Variants in STAG1 observed in about 807,000 individuals in gnomAD.
STAG1 encodes the protein STAG1 cohesin complex component.
A neutral mutation model predicts 170.9 loss-of-function variants in STAG1; 26 were observed. The observed-to-expected ratio is 0.15, with a 90% CI of 0.11 to 0.21. The LOEUF is 0.21. STAG1 is among the 10% of genes least tolerant of loss of function. STAG1 has a pLI of 1.00. For synonymous variants in STAG1, 514 were observed against 497.7 expected (o/e 1.03, Z -0.44); for missense variants, 964 against 1,509.5 (o/e 0.64, Z 5.99).
intron 1 of STAG1, among the ~76,000 whole-genome samples, chr3:136,742,096 T>C (rs1385427789): frequency 2.0e-5 from 3 of 152,202 alleles, no homozygotes; most frequent in South Asian, 2.1e-4. Flanking sequence ...TCCACAGTCA[T>C]AGTTGGATAT....
intron 7 of STAG1, among the ~76,000 whole-genome samples, chr3:136,512,218 G>A (rs1934104817): frequency 6.6e-6 from 1 of 151,738 alleles, no homozygotes; most frequent in Non-Finnish European, 1.5e-5. Flanking sequence ...AGGCAGGAGG[G>A]TCAATTTAGC....
At chr3:136,611,093 T>C (rs1939251945) in intron 3 of STAG1, among the ~76,000 whole-genome samples, 1 of 152,190 alleles carries the variant, frequency 6.6e-6, no homozygotes, top group South Asian at 2.1e-4. Context: ...AGTCTAAACA[T>C]GAAACTCGTT....
chr3:136,678,625 A>T (rs1942218872), intron 1 of STAG1, among the ~76,000 whole-genome samples: 1 of 151,888 alleles, frequency 6.6e-6, no homozygotes, highest in Non-Finnish European at 1.5e-5. Context: ...AAGTTTTTGT[A>T]TCTAGGGAAA....
intron 1 of STAG1, among the ~76,000 whole-genome samples, chr3:136,706,485 A>T (rs1295091125): frequency 1.3e-5 from 2 of 152,244 alleles, no homozygotes; most frequent in Non-Finnish European, 2.9e-5. Context: ...ACATCCAAAA[A>T]TTAAAATATC....
chr3:136,708,113 T>G (rs1416878484), intron 1 of STAG1, among the ~76,000 whole-genome samples: 1 of 152,050 alleles, frequency 6.6e-6, no homozygotes, highest in Non-Finnish European at 1.5e-5. Flanking sequence ...ATAAACAGAA[T>G]TACCACATGA....
At position 136,390,692 on chromosome 3, in the gene STAG1, G is replaced by A. The variant is rs186500203; in HGVS notation, c.2277+8057C>T. On this transcript the variant is annotated intron_variant, in intron 22 of 33. Transcript: ENST00000383202. ...TACAAGGATCACTATTATTTCTCACGCCTGGCCCCACTCCCTTCCTCTCAA... is the reference window on the plus strand; with the variant it reads ...TACAAGGATCACTATTATTTCTCACACCTGGCCCCACTCCCTTCCTCTCAA... Among the ~76,000 whole-genome samples the A allele has an allele frequency of 4.1e-3, 618 of 152,282 alleles. 3 individuals are homozygous for A. The highest frequency in any genetic ancestry group is 7.7e-3 in the Admixed American group (118 of 15,296).
At chr3:136,658,901 T>TAC (rs550019300) in intron 1 of STAG1, among the ~76,000 whole-genome samples, 150 of 152,286 alleles carry the variant, frequency 9.8e-4, no homozygotes, top group African/African-American at 3.2e-3. Context: ...AAATCCACAG[T>TAC]ACACACCACA....
chr3:136,454,801 T>C (rs1042365548), intron 13 of STAG1, among the ~76,000 whole-genome samples: 3 of 152,248 alleles, frequency 2.0e-5, no homozygotes, highest in African/African-American at 7.2e-5. Flanking sequence ...TTCAGACAGA[T>C]CTTACTACTT....
intron 9 of STAG1, 123 bp from the exon 10 acceptor site, chr3:136,477,535 C>T: frequency 1.2e-6 from 1 of 806,916 alleles, no homozygotes; most frequent in Non-Finnish European, 1.8e-6. Flanking sequence ...TCTGAATGGC[C>T]TCCAACTTAA....
At chr3:136,523,849 G>A (rs1019859304) in intron 6 of STAG1, among the ~76,000 whole-genome samples, 15 of 152,076 alleles carry the variant, frequency 9.9e-5, no homozygotes, top group Non-Finnish European at 2.2e-4. Context: ...CATTAAATAG[G>A]GAATCCTTTC....
intron 21 of STAG1, among the ~76,000 whole-genome samples, chr3:136,405,581 T>A (rs13061522): frequency 1.5e-4 from 23 of 150,790 alleles, no homozygotes; most frequent in South Asian, 4.2e-4. Context: ...TTAGGCCAGG[T>A]GTGGTGGTTC....
intron 21 of STAG1, among the ~76,000 whole-genome samples, chr3:136,404,659 T>C (rs533760502): frequency 1.3e-5 from 2 of 152,340 alleles, no homozygotes; most frequent in African/African-American, 2.4e-5. Context: ...AAAAGAACTA[T>C]ACCTTTTTAT....
chr3:136,641,716 C>T (rs866463591), intron 1 of STAG1, among the ~76,000 whole-genome samples: 4 of 152,074 alleles, frequency 2.6e-5, no homozygotes, highest in Admixed American at 6.6e-5. Flanking sequence ...GGATCATGCA[C>T]CAGAAAGAGG....
At chr3:136,452,504 C>T (rs891919184) in intron 13 of STAG1, among the ~76,000 whole-genome samples, 1 of 150,910 alleles carries the variant, frequency 6.6e-6, no homozygotes, top group African/African-American at 2.4e-5. Context: ...GCGGAGCTTG[C>T]AGACAGCTGA....
chr3:136,647,605 A>T (rs1438133965), intron 1 of STAG1, among the ~76,000 whole-genome samples: 1 of 152,308 alleles, frequency 6.6e-6, no homozygotes, highest in East Asian at 1.9e-4. Flanking sequence ...TCAAAAAAAA[A>T]AATAAGGAAA....
intron 22 of STAG1, among the ~76,000 whole-genome samples, chr3:136,381,410 T>TA (rs954983883): frequency 1.3e-5 from 2 of 151,926 alleles, no homozygotes; most frequent in African/African-American, 2.4e-5. Context: ...AAGAAAACAT[T>TA]AAAAAAATGA....
At chr3:136,699,806 T>A (rs949801065) in intron 1 of STAG1, among the ~76,000 whole-genome samples, 1 of 152,048 alleles carries the variant, frequency 6.6e-6, no homozygotes, top group African/African-American at 2.4e-5. Flanking sequence ...AATCACTAGG[T>A]TGATGACAAC....
At chr3:136,709,786 G>A (rs1943334747) in intron 1 of STAG1, among the ~76,000 whole-genome samples, 1 of 151,330 alleles carries the variant, frequency 6.6e-6, no homozygotes, top group Admixed American at 6.6e-5. Flanking sequence ...TGTAATCCCA[G>A]CACTTTGGGA....
At chr3:136,717,223 T>C (rs956420844) in intron 1 of STAG1, among the ~76,000 whole-genome samples, 4 of 152,236 alleles carry the variant, frequency 2.6e-5, no homozygotes, top group Non-Finnish European at 4.4e-5. Context: ...TATTATAATA[T>C]CCCTATTTTA....
Sources: allele counts gnomAD v4.1 joint callset (sites outside exome capture counted in the v4.1 genomes callset), GRCh38; gene constraint gnomAD v4.1.1; transcripts MANE v1.5; gene names NCBI Gene and HGNC (gene_info 2026-07-23, HGNC 2026-07-21).